Variants in CYP4Z1 observed in about 807,000 individuals in gnomAD.
CYP4Z1 encodes the protein cytochrome P450 family 4 subfamily Z member 1, also known as cytochrome P450 4Z1.
CYP4Z1 carries 41 observed loss-of-function variants against 54.2 expected under a neutral mutation model. The ratio of observed to expected loss-of-function variants is 0.76; its 90% confidence interval spans 0.59 to 0.98. CYP4Z1 has a LOEUF of 0.98. Ranked by LOEUF, CYP4Z1 falls within the 50% of genes least tolerant of loss-of-function variation. The probability of loss-of-function intolerance (pLI) is 0.00; values close to 1 mark genes in which losing one functional copy is unlikely to be tolerated. For missense variants in CYP4Z1, 513 were observed against 599.0 expected (o/e 0.86, Z 1.50); for synonymous variants, 163 against 206.2 (o/e 0.79, Z 1.79).
intron 6 of CYP4Z1, among the ~76,000 whole-genome samples, chr1:47,092,429 C>A (rs1351057099): frequency 6.6e-6 from 1 of 151,676 alleles, no homozygotes; most frequent in East Asian, 1.9e-4. Context: ...TCTAGTACAG[C>A]CTCTCTCAGC....
intron 6 of CYP4Z1, 111 bp from the exon 7 acceptor site, chr1:47,094,455 G>C: frequency 1.5e-6 from 1 of 689,362 alleles, no homozygotes; most frequent in Non-Finnish European, 2.4e-6. Context: ...ACATTGGGTG[G>C]GGGGCAGCCA....
At chr1:47,059,334 ATAAT>A in the CYP4Z1 span, among the ~76,000 whole-genome samples, 3 of 152,242 alleles carry the variant, frequency 2.0e-5, no homozygotes, top group Admixed American at 6.5e-5. Context: ...AAATAGCCAG[ATAAT>A]TAAATGAAAA....
intron 9 of CYP4Z1, among the ~76,000 whole-genome samples, chr1:47,113,896 A>G (rs1644810707): frequency 6.6e-6 from 1 of 152,334 alleles, no homozygotes; most frequent in East Asian, 1.9e-4. Flanking sequence ...TTTCAATGCC[A>G]TCCCTATCAA....
chr1:47,098,657 G>T (rs887585779), intron 7 of CYP4Z1, among the ~76,000 whole-genome samples: 2 of 152,020 alleles, frequency 1.3e-5, no homozygotes, highest in African/African-American at 4.8e-5. Flanking sequence ...TTATCATTAA[G>T]AAGTTATTCA....
intron 7 of CYP4Z1, chr1:47,096,629 CTTTT>C (rs35869199): frequency 7.4e-5 from 9 of 121,202 alleles, no homozygotes; most frequent in Non-Finnish European, 1.0e-4. Flanking sequence ...ATTTGCTCTT[CTTTT>C]TTTTTTTTTT....
At position 47,118,303 on chromosome 1, in the gene CYP4Z1, TA is replaced by T. The variant is rs1369093080; in HGVS notation, c.*375del. On this transcript the variant is annotated 3_prime_UTR_variant, in exon 12 of 12. Coordinates refer to ENST00000334194, the MANE Select transcript of CYP4Z1 (RefSeq NM_178134.3). ...TATTCTCAGTTATCTTTCCCCATAATAAAAAATATCTGCCACCTTCTGAGTC... is the reference window on the plus strand; with the variant it reads ...TATTCTCAGTTATCTTTCCCCATAATAAAAATATCTGCCACCTTCTGAGTC... The T allele has an allele frequency of 6.0e-6, 1 of 166,954 alleles. No individual in the cohort carries two copies. The highest frequency in any genetic ancestry group is 1.3e-5 in the Non-Finnish European group (1 of 76,956). The allele number at this position is 166,954 out of a possible 1,614,324, so 10.3% of individuals were successfully genotyped here. A position where few individuals can be genotyped will look rare whatever the true frequency, so the allele number is the denominator to read the frequency against.
chr1:47,114,970 C>G (rs1249100344), intron 9 of CYP4Z1, among the ~76,000 whole-genome samples: 1 of 152,258 alleles, frequency 6.6e-6, no homozygotes, highest in South Asian at 2.1e-4. Flanking sequence ...GATTATAAAT[C>G]GTGCCGCTAT....
chr1:47,097,708 T>C (rs1284762114), intron 7 of CYP4Z1, among the ~76,000 whole-genome samples: 1 of 152,136 alleles, frequency 6.6e-6, no homozygotes, highest in African/African-American at 2.4e-5. Flanking sequence ...TTAGTTACTG[T>C]AGTCTTGTGG....
intron 1 of CYP4Z1, among the ~76,000 whole-genome samples, chr1:47,068,224 G>A (rs1644464521): frequency 6.6e-6 from 1 of 152,210 alleles, no homozygotes; most frequent in South Asian, 2.1e-4. Context: ...GGTTTACCTT[G>A]TGCCAGGAAT....
chr1:47,114,751 A>G (rs1644817666), intron 9 of CYP4Z1, among the ~76,000 whole-genome samples: 1 of 152,206 alleles, frequency 6.6e-6, no homozygotes, highest in African/African-American at 2.4e-5. Flanking sequence ...ATGAGATACC[A>G]TCTCACACCA....
intron 9 of CYP4Z1, among the ~76,000 whole-genome samples, chr1:47,114,927 C>G (rs1037264191): frequency 9.9e-5 from 15 of 152,226 alleles, no homozygotes; most frequent in African/African-American, 3.4e-4. Flanking sequence ...ACCATTTGAC[C>G]CAGCCATCCC....
the CYP4Z1 span, among the ~76,000 whole-genome samples, chr1:47,057,128 T>A: frequency 6.6e-6 from 1 of 151,488 alleles, no homozygotes; most frequent in East Asian, 1.9e-4. Flanking sequence ...GTGACAAAAT[T>A]TCTCAGCATT....
chr1:47,117,652 A>T, intron 11 of CYP4Z1, 114 bp from the exon 12 acceptor site: 2 of 1,235,494 alleles, frequency 1.6e-6, no homozygotes, highest in South Asian at 4.0e-5. Flanking sequence ...GATGACAGAA[A>T]AAAAAATGGA....
intron 2 of CYP4Z1, among the ~76,000 whole-genome samples, chr1:47,077,967 G>A (rs559315791): frequency 4.0e-5 from 6 of 151,754 alleles, no homozygotes; most frequent in African/African-American, 1.5e-4. Context: ...TGCCTACTTT[G>A]GTGTTTAATT....
chr1:47,062,676 C>T (rs1644430220), upstream of CYP4Z1, among the ~76,000 whole-genome samples: 1 of 152,094 alleles, frequency 6.6e-6, no homozygotes. Context: ...TCCCCCACAA[C>T]AGCTGCAGCA....
At chr1:47,082,259 T>C in intron 3 of CYP4Z1, 75 bp from the exon 4 acceptor site, 1 of 1,517,778 alleles carries the variant, frequency 6.6e-7, no homozygotes, top group South Asian at 1.3e-5. Flanking sequence ...AGATAGGGAA[T>C]TGCTCACTGC....
intron 7 of CYP4Z1, among the ~76,000 whole-genome samples, chr1:47,097,578 T>C (rs1399108805): frequency 6.6e-6 from 1 of 152,230 alleles, no homozygotes; most frequent in Non-Finnish European, 1.5e-5. Context: ...CTTTTTCCAT[T>C]GCTTGTTATT....
intron 9 of CYP4Z1, among the ~76,000 whole-genome samples, chr1:47,113,863 A>G (rs1423426831): frequency 6.6e-6 from 1 of 152,206 alleles, no homozygotes; most frequent in African/African-American, 2.4e-5. Context: ...GAAAATGGCC[A>G]TACTGCCCAA....
intron 9 of CYP4Z1, among the ~76,000 whole-genome samples, chr1:47,107,194 C>T (rs2148540273): frequency 6.6e-6 from 1 of 152,316 alleles, no homozygotes; most frequent in South Asian, 2.1e-4. Context: ...ATCCACCCAT[C>T]CTCCTGCCCC....
Sources: gnomAD v4.1 joint callset for allele counts (sites outside exome capture counted in the v4.1 genomes callset) on GRCh38, gnomAD v4.1.1 for gene constraint, MANE v1.5 for transcripts, NCBI Gene and HGNC (gene_info 2026-07-23, HGNC 2026-07-21) for gene names.